GAS7: variants seen among roughly 807,000 people sequenced by gnomAD.
GAS7 encodes the protein growth arrest-specific protein 7.
In GAS7, 28 loss-of-function variants were observed where a neutral mutation model predicts 71.1. The ratio of observed to expected loss-of-function variants is 0.39; its 90% CI spans 0.29 to 0.54. The LOEUF is 0.54. Among genes scored for constraint, GAS7 ranks in the 20% least tolerant of loss-of-function variants. The pLI is 0.62. For missense variants in GAS7, 436 were observed against 627.8 expected, an observed-to-expected ratio of 0.69 and a Z score of 3.27; for synonymous variants, 258 against 245.8, an observed-to-expected ratio of 1.05 and a Z score of -0.46.
At chr17:10,142,930 G>A (rs2142098864) in intron 1 of GAS7, among the ~76,000 whole-genome samples, 1 of 152,186 alleles carries the variant, frequency 6.6e-6, no homozygotes, top group East Asian at 1.9e-4. Context: ...CCGCACTTTG[G>A]GAGGCCAAGG....
At chr17:10,051,089 C>G (rs968816590) in intron 1 of GAS7, among the ~76,000 whole-genome samples, 2 of 152,202 alleles carry the variant, frequency 1.3e-5, no homozygotes, top group African/African-American at 4.8e-5. Flanking sequence ...GCCATATAAC[C>G]CTGGCCAAGG....
chr17:10,162,369 A>G (rs543799515), intron 1 of GAS7, among the ~76,000 whole-genome samples: 1 of 152,292 alleles, frequency 6.6e-6, no homozygotes, highest in South Asian at 2.1e-4. Context: ...AATGGTGTGA[A>G]CCACTCCTGG....
chr17:9,958,342 T>C (rs1156682648), intron 5 of GAS7, among the ~76,000 whole-genome samples: 2 of 152,254 alleles, frequency 1.3e-5, no homozygotes, highest in African/African-American at 2.4e-5. Context: ...GCAATTGTTA[T>C]TGTTAATTGT....
At chr17:10,126,350 ACT>A (rs1285039163) in intron 1 of GAS7, among the ~76,000 whole-genome samples, 10 of 138,742 alleles carry the variant, frequency 7.2e-5, no homozygotes, top group Admixed American at 4.8e-4. Context: ...ACACTCATAC[ACT>A]CACACACACT....
chr17:10,059,572 G>T, intron 1 of GAS7: 1 of 371,208 alleles, frequency 2.7e-6, no homozygotes, highest in South Asian at 1.1e-4. Flanking sequence ...CCAAGCAAGA[G>T]GTCATCCAAG....
In GAS7 at chr17:9,969,133, T is replaced by C. The variant is rs2069846872; in HGVS notation, c.471+544A>G. On this transcript the variant is annotated intron_variant, in intron 4 of 13. Coordinates refer to ENST00000432992, the MANE Select transcript of GAS7 (RefSeq NM_201433.2). This position sits in a 1 kb window ranked among gnomAD's most constrained non-coding sequence, Gnocchi z 5.5. ...TGACCTCATGCATACCTTGAGTTGT[T>C]ACTGACGCCTAACTCACATGTTTGC... 6.6e-6 allele frequency among the ~76,000 whole-genome samples: 1 copy of C among 152,214 alleles called. No individual in the cohort carries two copies. Among genetic ancestry groups the C allele is most frequent in the African/African-American group, 2.4e-5 (1 of 41,446 alleles).
intron 1 of GAS7, among the ~76,000 whole-genome samples, chr17:10,177,775 A>AAT (rs995433296): frequency 2.0e-5 from 3 of 152,216 alleles, no homozygotes; most frequent in East Asian, 1.9e-4. Context: ...GCTGTAGCTG[A>AAT]ATATATATAT....
At chr17:10,165,258 C>T (rs554497135) in intron 1 of GAS7, among the ~76,000 whole-genome samples, 24 of 146,488 alleles carry the variant, frequency 1.6e-4, no homozygotes, top group Non-Finnish European at 2.8e-4. Flanking sequence ...CACCACTGCA[C>T]TCCAGCCTGT....
At chr17:10,022,451 G>C (rs568840887) in intron 1 of GAS7, among the ~76,000 whole-genome samples, 27 of 152,272 alleles carry the variant, frequency 1.8e-4, no homozygotes, top group African/African-American at 6.0e-4. Context: ...TATTGACATG[G>C]TCAGAAAAGG....
chr17:10,117,753 C>T (rs559519244), intron 1 of GAS7, among the ~76,000 whole-genome samples: 7 of 152,288 alleles, frequency 4.6e-5, no homozygotes, highest in South Asian at 2.1e-4. Context: ...AGCCAGGAGG[C>T]GCCTGCAACA....
intron 1 of GAS7, among the ~76,000 whole-genome samples, chr17:10,187,870 T>C (rs375569074): frequency 3.3e-5 from 5 of 152,348 alleles, no homozygotes; most frequent in East Asian, 1.9e-4. Flanking sequence ...TGAAAAGTAA[T>C]TCTTTTCTGG....
At chr17:10,039,648 A>G in intron 1 of GAS7, 1 of 433,358 alleles carries the variant, frequency 2.3e-6, no homozygotes, top group East Asian at 7.1e-5. Context: ...ATGCCACTGC[A>G]CTCCAACCTG....
At chr17:10,126,415 C>T (rs552793807) in intron 1 of GAS7, among the ~76,000 whole-genome samples, 15 of 151,376 alleles carry the variant, frequency 9.9e-5, no homozygotes, top group Admixed American at 7.9e-4. Context: ...CGTGCAAACA[C>T]GCACACACAA....
chr17:10,193,482 G>A (rs2074517538), intron 1 of GAS7, among the ~76,000 whole-genome samples: 1 of 151,988 alleles, frequency 6.6e-6, no homozygotes. Context: ...AACCGCACCT[G>A]TACCCACCTC....
In GAS7 at chr17:9,915,192, C is replaced by G. The variant is rs185430504; in HGVS notation, c.*2036G>C. On this transcript the variant is annotated 3_prime_UTR_variant, in exon 14 of 14. Transcript: ENST00000432992. Reference sequence around the variant, plus strand: ...AGACGCAAGAGGGCTCACTCTATCCCAGGGATGAACAGAGGACTCTGGAAT... The same window carrying G: ...AGACGCAAGAGGGCTCACTCTATCCGAGGGATGAACAGAGGACTCTGGAAT... The G allele has an allele frequency of 2.9e-4, 66 of 231,210 alleles. 1 individual carries two copies. Among genetic ancestry groups the G allele is most frequent in the South Asian group, 7.3e-4 (4 of 5,514 alleles). 14.3% of individuals were successfully genotyped at this position (231,210 alleles called of 1,614,324 possible).
chr17:10,125,513 G>A (rs8079683), intron 1 of GAS7, among the ~76,000 whole-genome samples: 27,122 of 131,944 alleles, frequency 0.21, 3,579 homozygotes, highest in African/African-American at 0.41. Flanking sequence ...TGACAAGAGC[G>A]AAACTCCATC....
intron 1 of GAS7, among the ~76,000 whole-genome samples, chr17:10,066,127 C>A (rs1383993662): frequency 3.9e-5 from 6 of 152,124 alleles, no homozygotes; most frequent in African/African-American, 1.4e-4. Context: ...TAGGAAGGCA[C>A]CATCTGTAGT....
chr17:10,004,902 C>T (rs1260176798), intron 2 of GAS7, among the ~76,000 whole-genome samples: 1 of 152,120 alleles, frequency 6.6e-6, no homozygotes, highest in Non-Finnish European at 1.5e-5. Flanking sequence ...CCCAACTACT[C>T]AGGAGGCTGA....
At chr17:9,956,612 C>T (rs993350130) in intron 5 of GAS7, among the ~76,000 whole-genome samples, 8 of 152,154 alleles carry the variant, frequency 5.3e-5, no homozygotes, top group African/African-American at 1.9e-4. Context: ...GAAACAAGAC[C>T]CAGCAAGGCT....
Sources: allele counts gnomAD v4.1 joint callset (sites outside exome capture counted in the v4.1 genomes callset), GRCh38; gene constraint gnomAD v4.1.1; non-coding constraint Gnocchi (gnomAD v3.1); transcripts MANE v1.5; gene names NCBI Gene and HGNC (gene_info 2026-07-23, HGNC 2026-07-21).